Variants in KCTD8 observed in about 807,000 individuals in gnomAD.
The protein encoded by KCTD8 is BTB/POZ domain-containing protein KCTD8.
In KCTD8, 27 loss-of-function variants were observed where a neutral mutation model predicts 31.5. That is an observed-to-expected ratio of 0.86 (90% CI 0.63 to 1.18). KCTD8 has a LOEUF of 1.18. Among genes scored for constraint, KCTD8 ranks in the 50% most tolerant of loss-of-function variants. KCTD8 has a pLI of 0.00. For missense variants in KCTD8, 658 were observed against 647.7 expected, an observed-to-expected ratio of 1.02 and a Z score of -0.17; for synonymous variants, 290 against 280.0, an observed-to-expected ratio of 1.04 and a Z score of -0.36.
chr4:44,286,027 C>T (rs1036345598), intron 1 of KCTD8, among the ~76,000 whole-genome samples: 1 of 151,970 alleles, frequency 6.6e-6, no homozygotes, highest in African/African-American at 2.4e-5. Flanking sequence ...AAGCTGATTC[C>T]AACCCTTATC....
At chr4:44,230,846 T>A (rs1715099875) in intron 1 of KCTD8, among the ~76,000 whole-genome samples, 1 of 152,098 alleles carries the variant, frequency 6.6e-6, no homozygotes, top group African/African-American at 2.4e-5. Context: ...TTAGCGATCT[T>A]ATGAGAACAT....
intron 1 of KCTD8, among the ~76,000 whole-genome samples, chr4:44,244,224 T>G (rs889027346): frequency 2.0e-5 from 3 of 152,154 alleles, no homozygotes; most frequent in Non-Finnish European, 2.9e-5. Context: ...CTAAACAGGT[T>G]TTCTTCCTTT....
chr4:44,303,076 A>T (rs1717678579), intron 1 of KCTD8, among the ~76,000 whole-genome samples: 1 of 152,124 alleles, frequency 6.6e-6, no homozygotes, highest in South Asian at 2.1e-4. Context: ...AGCCCACTTG[A>T]TCAGGGTGGA....
At chr4:44,324,655 C>T (rs886230951) in intron 1 of KCTD8, among the ~76,000 whole-genome samples, 2 of 151,908 alleles carry the variant, frequency 1.3e-5, no homozygotes, top group Non-Finnish European at 1.5e-5. Context: ...TTCAATTGCC[C>T]CTGAGGCTGA....
intron 1 of KCTD8, among the ~76,000 whole-genome samples, chr4:44,410,883 T>A (rs972850869): frequency 2.0e-5 from 3 of 152,124 alleles, no homozygotes. Flanking sequence ...CATATCAGCA[T>A]GTATATTATA....
intron 1 of KCTD8, among the ~76,000 whole-genome samples, chr4:44,185,930 C>G (rs1713572157): frequency 6.6e-6 from 1 of 152,148 alleles, no homozygotes; most frequent in South Asian, 2.1e-4. Flanking sequence ...AATACTGGAG[C>G]GGGACAGGGA....
At chr4:44,447,511 C>A in intron 1 of KCTD8, 52 bp downstream of exon 1, 1 of 1,458,590 alleles carries the variant, frequency 6.9e-7, no homozygotes, top group Non-Finnish European at 9.1e-7. Flanking sequence ...AAACTGGCGG[C>A]GGCTCAGCAG....
chr4:44,177,343 C>T (rs751029090), intron 1 of KCTD8, among the ~76,000 whole-genome samples: 8 of 152,100 alleles, frequency 5.3e-5, no homozygotes, highest in Non-Finnish European at 1.2e-4. Context: ...ACAGCCCTAT[C>T]AGGAAGCTCT....
At chr4:44,182,190 C>T (rs565833275) in intron 1 of KCTD8, among the ~76,000 whole-genome samples, 72 of 151,082 alleles carry the variant, frequency 4.8e-4, no homozygotes, top group African/African-American at 1.7e-3. Flanking sequence ...TCCGCCTGGC[C>T]GGCCGACCCG....
At chr4:44,307,996 A>G (rs1430017948) in intron 1 of KCTD8, among the ~76,000 whole-genome samples, 3 of 152,050 alleles carry the variant, frequency 2.0e-5, no homozygotes, top group African/African-American at 7.2e-5. Flanking sequence ...AATACGACCC[A>G]TATTACAGTC....
chr4:44,266,880 C>A (rs1214971008), intron 1 of KCTD8, among the ~76,000 whole-genome samples: 2 of 151,480 alleles, frequency 1.3e-5, no homozygotes, highest in African/African-American at 4.8e-5. Flanking sequence ...ACAGGAGCAC[C>A]CAGATTCATA....
At chr4:44,225,874 G>A (rs1714946446) in intron 1 of KCTD8, among the ~76,000 whole-genome samples, 1 of 142,484 alleles carries the variant, frequency 7.0e-6, no homozygotes, top group African/African-American at 2.6e-5. Context: ...AGGCTGGAGT[G>A]CCGTGGTGTG....
intron 1 of KCTD8, among the ~76,000 whole-genome samples, chr4:44,270,553 A>T (rs190360412): frequency 4.8e-4 from 73 of 152,036 alleles, no homozygotes; most frequent in East Asian, 9.7e-4. Context: ...ATAATAATAA[A>T]AAAAAGAAGG....
intron 1 of KCTD8, among the ~76,000 whole-genome samples, chr4:44,397,281 T>C (rs928651819): frequency 1.3e-5 from 2 of 152,208 alleles, no homozygotes; most frequent in Non-Finnish European, 2.9e-5. Flanking sequence ...ATCAGTGTTA[T>C]TGATTTATAA....
In KCTD8 at chr4:44,447,571, A is replaced by G; in HGVS notation, c.953T>C (p.Ile318Thr). Reference protein sequence around the residue: ...DKIWSSYTEYIFFRPPQKIVS... With the variant: ...DKIWSSYTEYTFFRPPQKIVS... The stretch of plus-strand genomic sequence containing the variant: ...CGGGGCTGCGAACTTACGGAAGAAA[A>G]TGTACTCGGTGTAGCTGCTCCAGAT... Residue 318 changes from isoleucine (I) to threonine (T), a missense_variant, in exon 1 of 2, where the codon ATT (isoleucine) becomes ACT (threonine). Ile to Thr is a moderately conservative substitution (Grantham distance 89). Transcript: ENST00000360029. The G allele has an allele frequency of 6.4e-7, 1 of 1,563,948 alleles. No homozygotes were observed. The highest frequency in any genetic ancestry group is 8.7e-7 in the Non-Finnish European group (1 of 1,150,632).
intron 1 of KCTD8, among the ~76,000 whole-genome samples, chr4:44,422,973 C>A (rs1721256552): frequency 6.6e-6 from 1 of 152,030 alleles, no homozygotes; most frequent in Non-Finnish European, 1.5e-5. Context: ...TTCCACTTTA[C>A]CAACCATAAA....
intron 1 of KCTD8, among the ~76,000 whole-genome samples, chr4:44,399,225 A>G (rs1241698342): frequency 2.0e-5 from 3 of 152,132 alleles, no homozygotes; most frequent in Admixed American, 2.0e-4. Flanking sequence ...AACAATTTCA[A>G]TCAAGAAAGT....
At chr4:44,324,976 T>C (rs190055623) in intron 1 of KCTD8, among the ~76,000 whole-genome samples, 4 of 152,132 alleles carry the variant, frequency 2.6e-5, no homozygotes, top group Admixed American at 2.6e-4. Context: ...CTGCCAACTC[T>C]ATCGCACACC....
intron 1 of KCTD8, among the ~76,000 whole-genome samples, chr4:44,324,603 T>C (rs147746893): frequency 3.9e-5 from 6 of 152,172 alleles, no homozygotes; most frequent in African/African-American, 1.2e-4. Context: ...AGTTGACTAA[T>C]AAATATTAAC....
Sources: gnomAD v4.1 joint callset for allele counts (sites outside exome capture counted in the v4.1 genomes callset) on GRCh38, gnomAD v4.1.1 for gene constraint, MANE v1.5 for transcripts, NCBI Gene and HGNC (gene_info 2026-07-23, HGNC 2026-07-21) for gene names.